The following LPAR3 variants were observed in gnomAD, a reference collection of about 807,000 sequenced individuals.
LPAR3 encodes the protein LPA receptor 3.
Under a neutral mutation model 17.8 loss-of-function variants are expected in LPAR3, and 7 were observed. The observed-to-expected ratio is 0.39, with a 90% CI of 0.22 to 0.74. The LOEUF is 0.74. LPAR3 is among the 30% of genes least tolerant of loss of function. The probability of loss-of-function intolerance (pLI) is 0.40; values close to 1 mark genes in which losing one functional copy is unlikely to be tolerated. For missense variants in LPAR3, 391 were observed against 453.4 expected (o/e 0.86, Z 1.25); for synonymous variants, 179 against 179.9 (o/e 0.99, Z 0.04).
At chr1:84,878,896 C>A (rs1301709639) in intron 1 of LPAR3, among the ~76,000 whole-genome samples, 1 of 152,184 alleles carries the variant, frequency 6.6e-6, no homozygotes, top group Non-Finnish European at 1.5e-5. Flanking sequence ...AGCCACTTTA[C>A]CTGAGGCCTA....
intron 2 of LPAR3, among the ~76,000 whole-genome samples, chr1:84,853,664 G>A (rs1659763515): frequency 6.6e-6 from 1 of 152,070 alleles, no homozygotes; most frequent in Admixed American, 6.5e-5. Context: ...TACCATGATG[G>A]ACCAGCTCTG....
At position 84,813,576 on chromosome 1, in the gene LPAR3, C is replaced by T. The variant is rs1658864559; in HGVS notation, c.*270G>A. ...GAAATGGTGCCAGAACCCAGAAGGC[C>T]CAGCTGGACTGACAGGAGCTCTGAG... On this transcript the variant is annotated 3_prime_UTR_variant, in exon 3 of 3. Transcript: ENST00000370611. 5.5e-6 allele frequency: 2 copies of T among 362,334 alleles called. No homozygotes were observed. Among genetic ancestry groups the T allele is most frequent in the Admixed American group, 4.1e-5 (1 of 24,478 alleles). 22.4% of individuals were successfully genotyped at this position (362,334 alleles called of 1,614,324 possible).
rs1316649691 is a variant in LPAR3 at position 84,812,499 on chromosome 1, T to C, written c.*1347A>G. ...AGACTAGAGTGCAGTGCTGCGATCT[T>C]GGCTCACTCTGCAACCTCCACCTCC... On this transcript the variant is annotated 3_prime_UTR_variant, in exon 3 of 3. Coordinates refer to ENST00000370611, the MANE Select transcript of LPAR3 (RefSeq NM_012152.3). 1 of 145,500 alleles carries C rather than the reference T, an allele frequency of 6.9e-6. No homozygotes were observed. Among genetic ancestry groups the C allele is most frequent in the Non-Finnish European group, 1.5e-5 (1 of 67,144 alleles). The allele number at this position is 145,500 out of a possible 1,614,324, so 9.0% of individuals were successfully genotyped here. A position where few individuals can be genotyped will look rare whatever the true frequency, so the allele number is the denominator to read the frequency against.
intron 1 of LPAR3, among the ~76,000 whole-genome samples, chr1:84,888,209 G>A (rs902007422): frequency 2.6e-4 from 39 of 151,868 alleles, no homozygotes; most frequent in African/African-American, 9.0e-4. Context: ...GAGAAGGAGG[G>A]AGGGAGAGAG....
chr1:84,821,240 G>A (rs1659047693), intron 2 of LPAR3, among the ~76,000 whole-genome samples: 1 of 151,948 alleles, frequency 6.6e-6, no homozygotes, highest in Non-Finnish European at 1.5e-5. Flanking sequence ...AGAGACGGAG[G>A]AGAGGGGGTG....
At position 84,865,749 on chromosome 1, in the gene LPAR3, G is replaced by A. The variant is rs368870250; in HGVS notation, c.372C>T (p.Ala124=). Residue 124 remains alanine, a synonymous_variant, in exon 2 of 3, where the codon GCC becomes GCT. Coordinates refer to ENST00000370611, the MANE Select transcript of LPAR3 (RefSeq NM_012152.3). ...TASLTNLLVI[A]VERHMSIMRM... ...TCATGATTGACATGTGCCTCTCCAC[G>A]GCGATAACCAGCAAGTTGGTGAGGG... The A allele has an allele frequency of 7.4e-5, 119 of 1,614,064 alleles. No homozygotes were observed. The highest frequency in any genetic ancestry group is 1.7e-4 in the African/African-American group (13 of 74,934).
At chr1:84,875,726 T>C (rs1238796358) in intron 1 of LPAR3, among the ~76,000 whole-genome samples, 12 of 152,252 alleles carry the variant, frequency 7.9e-5, no homozygotes, top group African/African-American at 2.4e-4. Context: ...TTTCTTTACA[T>C]TGTAAAATTC....
intron 2 of LPAR3, among the ~76,000 whole-genome samples, chr1:84,836,702 C>T (rs991895911): frequency 6.6e-6 from 1 of 152,154 alleles, no homozygotes; most frequent in Non-Finnish European, 1.5e-5. Flanking sequence ...CAAAACAAAA[C>T]GAAATGACAG....
At position 84,856,014 on chromosome 1, in the gene LPAR3, C is replaced by T. The variant is rs554466867; in HGVS notation, c.736+9371G>A. ...ATCAGACACTGAGGTCATCTCAGTCCCCACGTTCCCCGTCAGAACAGGAAG... is the reference window on the plus strand; with the variant it reads ...ATCAGACACTGAGGTCATCTCAGTCTCCACGTTCCCCGTCAGAACAGGAAG... On this transcript the variant is annotated intron_variant, in intron 2 of 2. Coordinates refer to ENST00000370611, the MANE Select transcript of LPAR3 (RefSeq NM_012152.3). Among the ~76,000 whole-genome samples the T allele has an allele frequency of 2.0e-5, 3 of 152,208 alleles. No individual in the cohort carries two copies. The East Asian group carries it at 5.8e-4, about 29-fold the overall frequency.
intron 1 of LPAR3, among the ~76,000 whole-genome samples, chr1:84,892,038 C>T (rs1570913844): frequency 6.6e-6 from 1 of 151,804 alleles, no homozygotes; most frequent in Non-Finnish European, 1.5e-5. Flanking sequence ...ACAGTGGAAC[C>T]CCGTCTCTAC....
intron 2 of LPAR3, among the ~76,000 whole-genome samples, chr1:84,849,381 A>AG (rs961867057): frequency 1.3e-5 from 2 of 151,082 alleles, no homozygotes; most frequent in Non-Finnish European, 3.0e-5. Context: ...TCAAAAAAAA[A>AG]AAAAAAAAAA....
At chr1:84,830,478 T>C (rs952017455) in intron 2 of LPAR3, among the ~76,000 whole-genome samples, 13 of 152,154 alleles carry the variant, frequency 8.5e-5, no homozygotes, top group Non-Finnish European at 1.9e-4. Flanking sequence ...TGCGAATCTT[T>C]CCCCAGTCAC....
chr1:84,838,680 T>C (rs577179479), intron 2 of LPAR3, among the ~76,000 whole-genome samples: 10 of 152,170 alleles, frequency 6.6e-5, no homozygotes, highest in Non-Finnish European at 1.3e-4. Context: ...TCATTCTCCA[T>C]AGTGTGGTCA....
intron 2 of LPAR3, among the ~76,000 whole-genome samples, chr1:84,840,743 A>G (rs1297300848): frequency 6.6e-6 from 1 of 152,248 alleles, no homozygotes; most frequent in African/African-American, 2.4e-5. Context: ...TAAGTTGTAT[A>G]TTCTTCAAAG....
chr1:84,838,299 T>G, intron 2 of LPAR3, among the ~76,000 whole-genome samples: 1 of 152,226 alleles, frequency 6.6e-6, no homozygotes, highest in Admixed American at 6.5e-5. Context: ...GGATCCATGG[T>G]GGATTCTTTC....
At chr1:84,853,413 G>A (rs535818604) in intron 2 of LPAR3, among the ~76,000 whole-genome samples, 5 of 152,206 alleles carry the variant, frequency 3.3e-5, no homozygotes, top group Non-Finnish European at 7.3e-5. Context: ...GCTGGGGAAT[G>A]AGACAGGGCA....
At chr1:84,870,630 G>A (rs2102767708) in intron 1 of LPAR3, among the ~76,000 whole-genome samples, 1 of 152,220 alleles carries the variant, frequency 6.6e-6, no homozygotes, top group South Asian at 2.1e-4. Flanking sequence ...TGTGCCAGGT[G>A]CTGAACTAAG....
intron 2 of LPAR3, among the ~76,000 whole-genome samples, chr1:84,834,459 T>G (rs1659357203): frequency 6.6e-6 from 1 of 152,190 alleles, no homozygotes; most frequent in Non-Finnish European, 1.5e-5. Flanking sequence ...TTACTATACC[T>G]GGAAAATCAA....
chr1:84,832,504 T>C (rs1007214520), intron 2 of LPAR3, among the ~76,000 whole-genome samples: 2 of 152,180 alleles, frequency 1.3e-5, no homozygotes, highest in African/African-American at 4.8e-5. Context: ...GTTGAGGTAA[T>C]TGAAGACGAC....
Sources: gnomAD v4.1 joint callset for allele counts (sites outside exome capture counted in the v4.1 genomes callset) on GRCh38, gnomAD v4.1.1 for gene constraint, MANE v1.5 for transcripts, NCBI Gene and HGNC (gene_info 2026-07-23, HGNC 2026-07-21) for gene names.